BBOX1: variants seen among roughly 807,000 people sequenced by gnomAD.
BBOX1 encodes gamma-butyrobetaine dioxygenase.
BBOX1 carries 35 observed loss-of-function variants against 41.6 expected under a neutral mutation model. That is an observed-to-expected ratio of 0.84 (90% CI 0.64 to 1.11). BBOX1 has a LOEUF of 1.11. Among genes scored for constraint, BBOX1 ranks in the 50% most tolerant of loss-of-function variants. The probability of loss-of-function intolerance (pLI) is 0.00; values close to 1 mark genes in which losing one functional copy is unlikely to be tolerated. For missense variants in BBOX1, 458 were observed against 460.6 expected (o/e 0.99, Z 0.05); for synonymous variants, 163 against 154.7 (o/e 1.05, Z -0.40).
intron 4 of BBOX1, among the ~76,000 whole-genome samples, chr11:27,077,221 G>C (rs918432920): frequency 3.3e-5 from 5 of 152,054 alleles, no homozygotes; most frequent in Admixed American, 2.0e-4. Flanking sequence ...ACCAAAAATG[G>C]CTTCCCTCCA....
At chr11:27,070,483 T>C (rs1857408481) in intron 4 of BBOX1, among the ~76,000 whole-genome samples, 1 of 152,132 alleles carries the variant, frequency 6.6e-6, no homozygotes, top group African/African-American at 2.4e-5. Context: ...TATCTTCTTG[T>C]TGGATTGATT....
intron 5 of BBOX1, among the ~76,000 whole-genome samples, chr11:27,098,715 G>A (rs1427306999): frequency 6.6e-6 from 1 of 151,908 alleles, no homozygotes; most frequent in East Asian, 1.9e-4. Flanking sequence ...AGAGTCCAGG[G>A]AATTATTATT....
chr11:27,124,580 C>T lies in BBOX1; in HGVS notation c.837-1074C>T, dbSNP rs144338869. Among the ~76,000 whole-genome samples, 733 of 152,178 alleles carry T rather than the reference C, an allele frequency of 4.8e-3. 16 individuals carry two copies. The highest frequency in any genetic ancestry group is 0.028 in the East Asian group (144 of 5,164). On this transcript the variant is annotated intron_variant, in intron 7 of 8. Coordinates refer to ENST00000263182, the MANE Select transcript of BBOX1 (RefSeq NM_003986.3). ...TTTTCCATGCTGGAGTGTCGTGGTGCGATCTCCGCTCACTGCAACCTCTGC... is the reference window on the plus strand; with the variant it reads ...TTTTCCATGCTGGAGTGTCGTGGTGTGATCTCCGCTCACTGCAACCTCTGC...
chr11:27,059,267 C>T (rs1857071629), intron 4 of BBOX1, among the ~76,000 whole-genome samples: 2 of 152,230 alleles, frequency 1.3e-5, no homozygotes, highest in Non-Finnish European at 2.9e-5. Context: ...TGGCTTTAAG[C>T]CTGTGGCCGC....
At chr11:27,107,444 CAG>C (rs1283125062) in intron 5 of BBOX1, among the ~76,000 whole-genome samples, 9 of 152,154 alleles carry the variant, frequency 5.9e-5, no homozygotes, top group African/African-American at 2.2e-4. Flanking sequence ...GGATAATTTG[CAG>C]AGTTTCAGAC....
intron 5 of BBOX1, among the ~76,000 whole-genome samples, chr11:27,102,740 C>T (rs1336312080): frequency 6.6e-6 from 1 of 152,028 alleles, no homozygotes; most frequent in African/African-American, 2.4e-5. Flanking sequence ...TAAGGAAGGC[C>T]TCATAGGAAC....
intron 4 of BBOX1, among the ~76,000 whole-genome samples, chr11:27,062,443 T>C (rs764966186): frequency 6.6e-6 from 1 of 152,238 alleles, no homozygotes; most frequent in Non-Finnish European, 1.5e-5. Flanking sequence ...TTTAAGAAGA[T>C]GATTGCTTTC....
intron 2 of BBOX1, 65 bp from the exon 3 acceptor site, chr11:27,055,328 C>A: frequency 8.6e-7 from 1 of 1,161,916 alleles, no homozygotes; most frequent in Non-Finnish European, 1.2e-6. Context: ...GAAGTGTTCA[C>A]ACTCTCAGAG....
At chr11:27,120,757 T>C (rs926362131) in intron 7 of BBOX1, among the ~76,000 whole-genome samples, 3 of 152,040 alleles carry the variant, frequency 2.0e-5, no homozygotes, top group African/African-American at 7.2e-5. Flanking sequence ...GAGTTTAAAT[T>C]TTTCTATTAA....
intron 5 of BBOX1, among the ~76,000 whole-genome samples, chr11:27,105,151 C>A (rs1357346697): frequency 1.3e-5 from 2 of 152,120 alleles, no homozygotes; most frequent in African/African-American, 2.4e-5. Context: ...GAAAACAGAG[C>A]AGAAAAGCTG....
At chr11:27,123,477 C>A (rs1859538395) in intron 7 of BBOX1, among the ~76,000 whole-genome samples, 1 of 151,818 alleles carries the variant, frequency 6.6e-6, no homozygotes, top group Non-Finnish European at 1.5e-5. Flanking sequence ...ACAGACGACC[C>A]CCCCAGAAGT....
chr11:27,043,836 T>A (rs1851415917), intron 2 of BBOX1, among the ~76,000 whole-genome samples: 1 of 152,210 alleles, frequency 6.6e-6, no homozygotes, highest in South Asian at 2.1e-4. Flanking sequence ...CTTTATCCAG[T>A]CTATCATTGA....
rs188190609 is a variant in BBOX1 at position 27,090,874 on chromosome 11, C to T, written c.335-2294C>T. 1.4e-3 allele frequency among the ~76,000 whole-genome samples: 209 copies of T among 151,934 alleles called. 1 individual carries two copies. Among genetic ancestry groups the T allele is most frequent in the African/African-American group, 4.5e-3 (188 of 41,472 alleles). Reference sequence around the variant, plus strand: ...ATTCCTTGCTAGGAAAAGAATTTAGCGATCTCTTCCCTACTTGCACGTCCA... The same window carrying T: ...ATTCCTTGCTAGGAAAAGAATTTAGTGATCTCTTCCCTACTTGCACGTCCA... On this transcript the variant is annotated intron_variant, in intron 4 of 8. Coordinates refer to ENST00000263182, the MANE Select transcript of BBOX1 (RefSeq NM_003986.3).
At chr11:27,081,738 G>A (rs1349955417) in intron 4 of BBOX1, among the ~76,000 whole-genome samples, 1 of 152,092 alleles carries the variant, frequency 6.6e-6, no homozygotes, top group Non-Finnish European at 1.5e-5. Context: ...ACTTTTTAAT[G>A]ATCGCCATTC....
At chr11:27,107,609 A>C (rs562387671) in intron 5 of BBOX1, among the ~76,000 whole-genome samples, 1 of 151,950 alleles carries the variant, frequency 6.6e-6, no homozygotes, top group African/African-American at 2.4e-5. Context: ...CCTTACTTGG[A>C]ATAGCATTAG....
At chr11:27,096,828 A>G (rs1858455805) in intron 5 of BBOX1, among the ~76,000 whole-genome samples, 1 of 152,074 alleles carries the variant, frequency 6.6e-6, no homozygotes, top group Admixed American at 6.6e-5. Context: ...CCAGCAGATA[A>G]ATACAATAAT....
At chr11:27,071,495 T>C (rs1857448071) in intron 4 of BBOX1, among the ~76,000 whole-genome samples, 1 of 151,708 alleles carries the variant, frequency 6.6e-6, no homozygotes, top group South Asian at 2.1e-4. Flanking sequence ...AATCCACACG[T>C]GTGAGGAGAG....
In BBOX1 at chr11:27,057,535, A is replaced by G. The variant is rs141032296; in HGVS notation, c.334+220A>G. The G allele has an allele frequency of 6.4e-4, 295 of 462,838 alleles. 2 individuals are homozygous for G. Among genetic ancestry groups the G allele is most frequent in the African/African-American group, 5.5e-3 (268 of 48,860 alleles). 28.7% of individuals were successfully genotyped at this position (462,838 alleles called of 1,614,324 possible). On this transcript the variant is annotated intron_variant, in intron 4 of 8. Transcript: ENST00000263182. ...GACATTCTACAGAGAAAGAAACAAA[A>G]TAAGTCCAGCAAACTTGTGTCTTTG... is the stretch of plus-strand genomic sequence containing the variant.
chr11:27,091,147 A>G (rs982579027), intron 4 of BBOX1, among the ~76,000 whole-genome samples: 22 of 152,082 alleles, frequency 1.4e-4, no homozygotes, highest in African/African-American at 5.3e-4. Flanking sequence ...AATCTTCACA[A>G]TTTATGTTCC....
Sources: allele counts gnomAD v4.1 joint callset (sites outside exome capture counted in the v4.1 genomes callset), GRCh38; gene constraint gnomAD v4.1.1; transcripts MANE v1.5; gene names NCBI Gene and HGNC (gene_info 2026-07-23, HGNC 2026-07-21).